The following LHPP variants were observed in gnomAD, a reference collection of about 807,000 sequenced individuals.
The protein encoded by LHPP is hLHPP.
In LHPP, 24 loss-of-function variants were observed where a neutral mutation model predicts 30.3. The ratio of observed to expected loss-of-function variants is 0.79; its 90% confidence interval spans 0.57 to 1.11. The LOEUF is 1.11. LHPP is among the 50% of genes most tolerant of loss of function. The pLI is 0.00. For missense variants in LHPP, 356 were observed against 367.2 expected, an observed-to-expected ratio of 0.97 and a Z score of 0.25; for synonymous variants, 150 against 157.1, an observed-to-expected ratio of 0.95 and a Z score of 0.34.
intron 6 of LHPP, among the ~76,000 whole-genome samples, chr10:124,600,132 G>C (rs1949002687): frequency 6.6e-6 from 1 of 152,220 alleles, no homozygotes; most frequent in African/African-American, 2.4e-5. Flanking sequence ...GCAGAGGCCA[G>C]CTCCAAGGCC....
intron 6 of LHPP, among the ~76,000 whole-genome samples, chr10:124,611,141 C>T (rs767250382): frequency 9.2e-5 from 14 of 151,894 alleles, no homozygotes; most frequent in Non-Finnish European, 1.8e-4. Context: ...GTGCTTGGGA[C>T]GGCCAGCCAA....
intron 6 of LHPP, chr10:124,553,792 T>G: frequency 2.3e-5 from 15 of 654,766 alleles, no homozygotes; most frequent in Non-Finnish European, 2.8e-5. Flanking sequence ...TGACTCCCGG[T>G]GATATTGTCA....
chr10:124,610,949 GAT>G (rs1949184788), intron 6 of LHPP, among the ~76,000 whole-genome samples: 1 of 105,400 alleles, frequency 9.5e-6, no homozygotes, highest in Non-Finnish European at 2.0e-5. Context: ...TGAGGGTGCT[GAT>G]GGAGCGGGTG....
At chr10:124,588,047 A>G (rs1948828270) in intron 6 of LHPP, among the ~76,000 whole-genome samples, 1 of 152,190 alleles carries the variant, frequency 6.6e-6, no homozygotes, top group African/African-American at 2.4e-5. Flanking sequence ...CCCCACTGCC[A>G]CTGCCCCTCT....
rs75347373 is a variant in LHPP at position 124,492,599 on chromosome 10, A to G, written c.467+4024A>G. Among the ~76,000 whole-genome samples, 1,361 of 152,324 alleles carry G rather than the reference A, an allele frequency of 8.9e-3. 20 individuals carry two copies. Among genetic ancestry groups the G allele is most frequent in the African/African-American group, 0.032 (1,310 of 41,566 alleles). On this transcript the variant is annotated intron_variant, in intron 3 of 6. Transcript: ENST00000368842. ...CTCTCCTCCTAGTTCACCGATTTAA[A>G]TGTTAATCTCATCCAAAAACACCTT...
chr10:124,488,403 T>TCC lies in LHPP; in HGVS notation c.314-18_314-17insCC. On this transcript the variant is annotated intron_variant, in intron 2 of 6. Coordinates refer to ENST00000368842, the MANE Select transcript of LHPP (RefSeq NM_022126.4). Reference sequence around the variant, plus strand: ...CCTCCCAGGGCTCCGTGGCACTCTGTCTCTCTCTCTCTTTCCAGGAGTCCG... The same window carrying TCC: ...CCTCCCAGGGCTCCGTGGCACTCTGTCCCTCTCTCTCTCTTTCCAGGAGTCCG... 6.4e-7 allele frequency: 1 copy of TCC among 1,568,818 alleles called. No individual in the cohort carries two copies. Among genetic ancestry groups the TCC allele is most frequent in the Non-Finnish European group, 8.7e-7 (1 of 1,148,706 alleles).
intron 6 of LHPP, among the ~76,000 whole-genome samples, chr10:124,611,566 G>C (rs555576750): frequency 1.3e-5 from 2 of 151,782 alleles, no homozygotes; most frequent in Non-Finnish European, 2.9e-5. Context: ...AGAGCCAAAA[G>C]GTATACCCTC....
At chr10:124,527,405 A>C (rs1954769258) in intron 6 of LHPP, among the ~76,000 whole-genome samples, 1 of 152,150 alleles carries the variant, frequency 6.6e-6, no homozygotes, top group Non-Finnish European at 1.5e-5. Flanking sequence ...CAGTGGTTTT[A>C]TTTGTGCACA....
At chr10:124,610,933 T>A (rs1362505397) in intron 6 of LHPP, among the ~76,000 whole-genome samples, 28 of 80,406 alleles carry the variant, frequency 3.5e-4, no homozygotes, top group Admixed American at 5.2e-4. Flanking sequence ...CGGGCGAGGG[T>A]GAGGGTGAGG....
At chr10:124,567,389 C>T (rs1948509356) in intron 6 of LHPP, among the ~76,000 whole-genome samples, 1 of 152,260 alleles carries the variant, frequency 6.6e-6, no homozygotes, top group Non-Finnish European at 1.5e-5. Flanking sequence ...GCTGCCTGCC[C>T]TCCACGCGCC....
chr10:124,553,905 T>G, intron 6 of LHPP: 1 of 985,482 alleles, frequency 1.0e-6, no homozygotes, highest in Non-Finnish European at 1.2e-6. Flanking sequence ...GCTAAGCTGT[T>G]GGCATCTGTT....
intron 2 of LHPP, among the ~76,000 whole-genome samples, chr10:124,487,223 C>G (rs1480985393): frequency 6.6e-6 from 1 of 152,142 alleles, no homozygotes; most frequent in Admixed American, 6.5e-5. Context: ...GGGTAAATAC[C>G]TAGCAGCGAA....
At chr10:124,597,481 C>A (rs1480024824) in intron 6 of LHPP, among the ~76,000 whole-genome samples, 1 of 152,210 alleles carries the variant, frequency 6.6e-6, no homozygotes, top group East Asian at 1.9e-4. Context: ...GCCCAGCACT[C>A]GGGTCTGTGA....
At chr10:124,538,161 C>T (rs565005771) in intron 6 of LHPP, among the ~76,000 whole-genome samples, 41 of 54,608 alleles carry the variant, frequency 7.5e-4, no homozygotes, top group Admixed American at 2.6e-3. Context: ...GGTCACCACG[C>T]GAGTCTCACC....
intron 6 of LHPP, among the ~76,000 whole-genome samples, chr10:124,579,128 G>A (rs1381445887): frequency 2.6e-5 from 4 of 152,238 alleles, no homozygotes; most frequent in Non-Finnish European, 5.9e-5. Context: ...GGCTGAGAGT[G>A]GGTGTGTATC....
chr10:124,548,270 A>G (rs1349794027), intron 6 of LHPP, among the ~76,000 whole-genome samples: 1 of 152,044 alleles, frequency 6.6e-6, no homozygotes, highest in African/African-American at 2.4e-5. Flanking sequence ...TGTGAACGCC[A>G]TCCTCTGGTT....
At chr10:124,610,786 G>A (rs1373358104) in intron 6 of LHPP, among the ~76,000 whole-genome samples, 2 of 97,550 alleles carry the variant, frequency 2.1e-5, no homozygotes, top group Non-Finnish European at 3.9e-5. Flanking sequence ...CTGATGGAGC[G>A]GGTGAGGGTG....
At chr10:124,587,738 T>TAAAAA (rs747954796) in intron 6 of LHPP, among the ~76,000 whole-genome samples, 1,964 of 52,966 alleles carry the variant, frequency 0.037, 100 homozygotes, top group East Asian at 0.062. Flanking sequence ...AGACTCCATC[T>TAAAAA]AAAAAAAAAA....
Position 124,484,337 on chromosome 10 carries a change from C to T in LHPP, c.313+11C>T, listed in dbSNP as rs776605784. The T allele has an allele frequency of 1.2e-5, 20 of 1,606,778 alleles. No homozygotes were observed. The East Asian group carries it at 1.3e-4, about 11-fold the overall frequency. On this transcript the variant is annotated intron_variant, in intron 2 of 6. Coordinates refer to ENST00000368842, the MANE Select transcript of LHPP (RefSeq NM_022126.4). Reference sequence around the variant, plus strand: ...TGCTCATCCATGACGGTAGGCCTGTCGGACACCAGGACCTCACGGGGGTGA... The same window carrying T: ...TGCTCATCCATGACGGTAGGCCTGTTGGACACCAGGACCTCACGGGGGTGA...
Sources: allele counts gnomAD v4.1 joint callset (sites outside exome capture counted in the v4.1 genomes callset), GRCh38; gene constraint gnomAD v4.1.1; transcripts MANE v1.5; gene names NCBI Gene and HGNC (gene_info 2026-07-23, HGNC 2026-07-21).